Variants in SMAP1 observed in about 807,000 individuals in gnomAD.
SMAP1 encodes stromal membrane-associated protein 1.
Under a neutral mutation model 58.5 loss-of-function variants are expected in SMAP1, and 24 were observed. That is an observed-to-expected ratio of 0.41 (90% CI 0.30 to 0.58). The LOEUF (loss-of-function observed/expected upper bound fraction) is 0.58. Among genes scored for constraint, SMAP1 ranks in the 20% least tolerant of loss-of-function variants. The probability of loss-of-function intolerance (pLI) is 0.29; values close to 1 mark genes in which losing one functional copy is unlikely to be tolerated. For missense variants in SMAP1, 563 were observed against 566.3 expected, an observed-to-expected ratio of 0.99 and a Z score of 0.06; for synonymous variants, 216 against 196.6, an observed-to-expected ratio of 1.10 and a Z score of -0.82.
At chr6:70,789,331 C>G (rs895349762) in intron 4 of SMAP1, among the ~76,000 whole-genome samples, 2 of 152,000 alleles carry the variant, frequency 1.3e-5, no homozygotes, top group Admixed American at 1.3e-4. Flanking sequence ...CTTTGTGCCC[C>G]TCGCTAGTCA....
intron 1 of SMAP1, among the ~76,000 whole-genome samples, chr6:70,699,633 C>T (rs1396060086): frequency 6.6e-6 from 1 of 152,108 alleles, no homozygotes; most frequent in Non-Finnish European, 1.5e-5. Context: ...TCTTAACATT[C>T]TTCCCTCTCC....
chr6:70,787,572 G>A (rs966861406), intron 4 of SMAP1, among the ~76,000 whole-genome samples: 10 of 152,102 alleles, frequency 6.6e-5, no homozygotes, highest in African/African-American at 2.4e-4. Context: ...CTAATATCCA[G>A]AATCTACAAT....
intron 1 of SMAP1, among the ~76,000 whole-genome samples, chr6:70,702,237 G>A (rs1369262367): frequency 2.4e-5 from 3 of 127,024 alleles, no homozygotes; most frequent in East Asian, 4.1e-4. Context: ...TGAGGTTCTT[G>A]GTTCTATGGG....
At chr6:70,739,484 T>A (rs1044730528) in intron 2 of SMAP1, among the ~76,000 whole-genome samples, 1 of 152,170 alleles carries the variant, frequency 6.6e-6, no homozygotes, top group Non-Finnish European at 1.5e-5. Flanking sequence ...TTTCCTTTGC[T>A]CGGTGTTTGA....
At chr6:70,752,370 G>A (rs12332874) in intron 2 of SMAP1, among the ~76,000 whole-genome samples, 1 of 152,122 alleles carries the variant, frequency 6.6e-6, no homozygotes. Context: ...ATTGCAAGTT[G>A]AATTATGGAG....
At chr6:70,742,009 A>C (rs1386870267) in intron 2 of SMAP1, among the ~76,000 whole-genome samples, 1 of 152,236 alleles carries the variant, frequency 6.6e-6, no homozygotes, top group African/African-American at 2.4e-5. Flanking sequence ...TGCACACAGC[A>C]GGGGGCCCTG....
chr6:70,793,673 A>AGAGAGAGAGAGAGAGAGAGAG (rs1768467436), intron 5 of SMAP1, among the ~76,000 whole-genome samples: 1 of 149,602 alleles, frequency 6.7e-6, no homozygotes, highest in African/African-American at 2.5e-5. Flanking sequence ...AGAGAGAGAG[A>AGAGAGAGAGAGAGAGAGAGAG]AAGCTTAAAA....
chr6:70,768,396 G>C (rs1419371017), intron 3 of SMAP1, among the ~76,000 whole-genome samples: 1 of 152,132 alleles, frequency 6.6e-6, no homozygotes, highest in Admixed American at 6.5e-5. Flanking sequence ...CTTTTTGGTT[G>C]GTAAGCTATT....
At chr6:70,724,087 A>C (rs1320678926) in intron 1 of SMAP1, among the ~76,000 whole-genome samples, 18 of 151,296 alleles carry the variant, frequency 1.2e-4, no homozygotes, top group African/African-American at 4.4e-4. Flanking sequence ...TTTTAGAAGA[A>C]TTAACTATGT....
intron 4 of SMAP1, among the ~76,000 whole-genome samples, chr6:70,791,112 A>G (rs1768331690): frequency 1.3e-5 from 2 of 152,360 alleles, no homozygotes; most frequent in South Asian, 4.1e-4. Flanking sequence ...AATGAAGCAT[A>G]TAAATTGCTT....
At chr6:70,801,445 T>A (rs1201884159) in intron 6 of SMAP1, among the ~76,000 whole-genome samples, 1 of 152,208 alleles carries the variant, frequency 6.6e-6, no homozygotes, top group Non-Finnish European at 1.5e-5. Context: ...TTGCAAAAAT[T>A]TTCTCCCATT....
chr6:70,804,029 G>A (rs891753221), intron 6 of SMAP1, among the ~76,000 whole-genome samples: 1 of 152,132 alleles, frequency 6.6e-6, no homozygotes, highest in African/African-American at 2.4e-5. Flanking sequence ...ATGAGTTCAA[G>A]TCCTGGATAT....
chr6:70,780,812 G>GT (rs1767733378), intron 4 of SMAP1, among the ~76,000 whole-genome samples: 1 of 152,148 alleles, frequency 6.6e-6, no homozygotes, highest in South Asian at 2.1e-4. Context: ...TGAGATTAGC[G>GT]TAAAAGAGCA....
At chr6:70,678,055 C>G (rs1448472623) in intron 1 of SMAP1, among the ~76,000 whole-genome samples, 1 of 152,142 alleles carries the variant, frequency 6.6e-6, no homozygotes. Context: ...TCACTTAAAA[C>G]AGAGCTTAGA....
intron 1 of SMAP1, among the ~76,000 whole-genome samples, chr6:70,689,646 G>A (rs1392611112): frequency 3.3e-5 from 5 of 152,142 alleles, no homozygotes; most frequent in Non-Finnish European, 7.3e-5. Context: ...TGAGTCTGTA[G>A]ATCCATTTGA....
intron 1 of SMAP1, among the ~76,000 whole-genome samples, chr6:70,706,125 A>G (rs560496220): frequency 6.6e-5 from 10 of 152,230 alleles, no homozygotes; most frequent in African/African-American, 1.9e-4. Flanking sequence ...GAGGTACCAA[A>G]CTTTATCATT....
Position 70,860,489 on chromosome 6 carries a change from T to G in SMAP1, c.*155T>G. ...ATTGACCGTGTTGGTCTGTACTGATTCAATTTGATGTGGTGAAAAGCAGGT... is the reference window on the plus strand; with the variant it reads ...ATTGACCGTGTTGGTCTGTACTGATGCAATTTGATGTGGTGAAAAGCAGGT... On this transcript the variant is annotated 3_prime_UTR_variant, in exon 11 of 11. Coordinates refer to ENST00000370455, the MANE Select transcript of SMAP1 (RefSeq NM_001044305.3). The G allele has an allele frequency of 4.0e-6, 3 of 752,484 alleles. No individual in the cohort carries two copies. Among genetic ancestry groups the G allele is most frequent in the Non-Finnish European group, 3.8e-6 (2 of 529,178 alleles). 46.6% of individuals were successfully genotyped at this position (752,484 alleles called of 1,614,324 possible). A position where few individuals can be genotyped will look rare whatever the true frequency, so the allele number is the denominator to read the frequency against.
At chr6:70,788,552 A>G (rs1300474817) in intron 4 of SMAP1, among the ~76,000 whole-genome samples, 1 of 152,194 alleles carries the variant, frequency 6.6e-6, no homozygotes, top group Non-Finnish European at 1.5e-5. Flanking sequence ...AATACTTTGA[A>G]TATTTCCCAG....
intron 1 of SMAP1, among the ~76,000 whole-genome samples, chr6:70,688,129 G>C (rs1246863635): frequency 2.0e-5 from 3 of 152,150 alleles, no homozygotes; most frequent in Non-Finnish European, 4.4e-5. Context: ...TTTTGCGTCT[G>C]TTAATAGTTC....
Sources: gnomAD v4.1 joint callset for allele counts (sites outside exome capture counted in the v4.1 genomes callset) on GRCh38, gnomAD v4.1.1 for gene constraint, MANE v1.5 for transcripts, NCBI Gene and HGNC (gene_info 2026-07-23, HGNC 2026-07-21) for gene names.